The following ZNF461 variants were observed in gnomAD, a reference collection of about 807,000 sequenced individuals.
The protein encoded by ZNF461 is zinc finger protein 461, also known as gonadotropin-inducible ovarian transcription factor-1.
A neutral mutation model predicts 18.3 loss-of-function variants in ZNF461; 16 were observed. The ratio of observed to expected loss-of-function variants is 0.88; its 90% confidence interval spans 0.59 to 1.33. The LOEUF (loss-of-function observed/expected upper bound fraction) is 1.33. Among genes scored for constraint, ZNF461 ranks in the 40% most tolerant of loss-of-function variants. The probability of loss-of-function intolerance (pLI) is 0.00; values close to 1 mark genes in which losing one functional copy is unlikely to be tolerated. For missense variants in ZNF461, 595 were observed against 669.9 expected (o/e 0.89, Z 1.23); for synonymous variants, 179 against 216.9 (o/e 0.83, Z 1.54).
intron 4 of ZNF461, among the ~76,000 whole-genome samples, chr19:36,654,685 T>C (rs1298722185): frequency 6.6e-6 from 1 of 152,064 alleles, no homozygotes; most frequent in Non-Finnish European, 1.5e-5. Flanking sequence ...AGCACTTCAA[T>C]GAATCACAGA....
chr19:36,638,727 G>T lies in ZNF461; in HGVS notation c.1618C>A (p.His540Asn), dbSNP rs1217445888. 5 of 1,613,782 alleles carry T rather than the reference G, an allele frequency of 3.1e-6. No homozygotes were observed. The highest frequency in any genetic ancestry group is 1.7e-5 in the Admixed American group (1 of 59,968). ...TTCTCGCCAGTATGAAGAGTCTGAT[G>T]TAAGTTAAGTTGTAATCTATGATTA... ...AFNHRLQLNLHQTLHTGEKPV... is the reference protein window; with the variant it reads ...AFNHRLQLNLNQTLHTGEKPV... Residue 540 changes from histidine to asparagine, a missense_variant, in exon 6 of 6, where the codon CAT becomes AAT. Transcript: ENST00000588268.
chr19:36,660,305 G>C (rs536249967), intron 2 of ZNF461, among the ~76,000 whole-genome samples: 3 of 151,376 alleles, frequency 2.0e-5, no homozygotes, highest in African/African-American at 7.3e-5. Flanking sequence ...GCACACCACC[G>C]CACCCGGCTA....
At chr19:36,665,612 G>A (rs2037899430) in intron 1 of ZNF461, among the ~76,000 whole-genome samples, 1 of 150,972 alleles carries the variant, frequency 6.6e-6, no homozygotes, top group Non-Finnish European at 1.5e-5. Flanking sequence ...GTGAGGCTGA[G>A]GCAGGAGAAC....
intron 4 of ZNF461, chr19:36,645,322 T>C (rs561904290): frequency 6.6e-6 from 1 of 151,192 alleles, no homozygotes; most frequent in Admixed American, 6.6e-5. Context: ...GTAGATCTCA[T>C]GTAAAGTATT....
In ZNF461 at chr19:36,638,594, G is replaced by A. The variant is rs181112383; in HGVS notation, c.*59C>T. Reference sequence around the variant, plus strand: ...ATAAATAAATACTAATGAAACTGGTGGCTTACCAACTTTTTCCTTAAATAA... The same window carrying A: ...ATAAATAAATACTAATGAAACTGGTAGCTTACCAACTTTTTCCTTAAATAA... On this transcript the variant is annotated 3_prime_UTR_variant, in exon 6 of 6. Transcript: ENST00000588268. The A allele has an allele frequency of 6.9e-5, 89 of 1,288,566 alleles. 1 individual carries two copies. In the South Asian group the frequency reaches 9.0e-4, roughly 13 times the overall value. 79.8% of individuals were successfully genotyped at this position (1,288,566 alleles called of 1,614,324 possible). A position where few individuals can be genotyped will look rare whatever the true frequency, so the allele number is the denominator to read the frequency against.
chr19:36,646,332 A>G (rs1568650220), intron 4 of ZNF461, among the ~76,000 whole-genome samples: 1 of 152,042 alleles, frequency 6.6e-6, no homozygotes, highest in African/African-American at 2.4e-5. Flanking sequence ...GAGTTTCACC[A>G]TGTTACCCAG....
chr19:36,664,276 G>A (rs1184879256), intron 2 of ZNF461, among the ~76,000 whole-genome samples: 1 of 152,130 alleles, frequency 6.6e-6, no homozygotes, highest in Admixed American at 6.5e-5. Context: ...TAATTCCCAG[G>A]TAAGAAACTA....
intron 5 of ZNF461, among the ~76,000 whole-genome samples, chr19:36,641,407 T>C (rs2037420418): frequency 6.6e-6 from 1 of 151,830 alleles, no homozygotes; most frequent in Non-Finnish European, 1.5e-5. Context: ...TAATCCCAGC[T>C]ACTCGGGAGG....
chr19:36,642,381 G>A (rs2037441269), intron 5 of ZNF461, among the ~76,000 whole-genome samples: 1 of 152,178 alleles, frequency 6.6e-6, no homozygotes, highest in Non-Finnish European at 1.5e-5. Context: ...CCAGGCCTGA[G>A]GAAATATGTA....
At position 36,658,351 on chromosome 19, in the gene ZNF461, C is replaced by A; in HGVS notation, c.84G>T (p.Arg28Ser). ...EEWECLNPAQ[R>S]NLYKEVMLEN... ...CCAACATCACCTCCTTGTACAAATT[C>A]CTCTGCGCTGGGTTCAGGCATTCCC... The change falls in exon 3 of 6, where the codon AGG (arginine) becomes AGT (serine). Residue 28 changes from arginine (R) to serine (S), a missense_variant. Transcript: ENST00000588268. 1 of 1,611,136 alleles carries A rather than the reference C, an allele frequency of 6.2e-7. No homozygotes were observed. Among genetic ancestry groups the A allele is most frequent in the Non-Finnish European group, 8.5e-7 (1 of 1,178,414 alleles).
At chr19:36,649,339 T>A (rs1055670413) in intron 4 of ZNF461, among the ~76,000 whole-genome samples, 12 of 16,750 alleles carry the variant, frequency 7.2e-4, no homozygotes, top group Admixed American at 1.2e-3. Context: ...TTTATTTATG[T>A]TTTTTTTTGA....
At position 36,666,814 on chromosome 19, in the gene ZNF461, T is replaced by G. The variant is rs754883275; in HGVS notation, c.-205A>C. The stretch of plus-strand genomic sequence containing the variant: ...TTACCTGCCTCTACCCGGAGACCAT[T>G]CCTGCGAGGCTCCTACCGGAAGTAG... On this transcript the variant is annotated 5_prime_UTR_variant, in exon 1 of 6. Transcript: ENST00000588268. 1.3e-5 allele frequency: 2 copies of G among 152,298 alleles called. No homozygotes were observed. The highest frequency in any genetic ancestry group is 1.3e-4 in the Admixed American group (2 of 15,270). 9.4% of individuals were successfully genotyped at this position (152,298 alleles called of 1,614,324 possible). A position where few individuals can be genotyped will look rare whatever the true frequency, so the allele number is the denominator to read the frequency against.
chr19:36,651,233 G>GAAAA (rs34091845), intron 4 of ZNF461, among the ~76,000 whole-genome samples: 1 of 82,880 alleles, frequency 1.2e-5, no homozygotes, highest in Non-Finnish European at 2.3e-5. Context: ...TCCGTCTCAG[G>GAAAA]AAAAAAAAAA....
At position 36,638,727 on chromosome 19, in the gene ZNF461, G is replaced by A. The variant is rs1217445888; in HGVS notation, c.1618C>T (p.His540Tyr). 6.2e-7 allele frequency: 1 copy of A among 1,613,900 alleles called. No individual in the cohort carries two copies. The highest frequency in any genetic ancestry group is 8.5e-7 in the Non-Finnish European group (1 of 1,179,838). The change falls in exon 6 of 6, where the codon CAT (histidine) becomes TAT (tyrosine). Residue 540 changes from histidine (H) to tyrosine (Y), a missense_variant. By Grantham distance (83) the His-to-Tyr change is moderately conservative (BLOSUM62 2). Transcript: ENST00000588268. Reference sequence around the variant, plus strand: ...TTCTCGCCAGTATGAAGAGTCTGATGTAAGTTAAGTTGTAATCTATGATTA... The same window carrying A: ...TTCTCGCCAGTATGAAGAGTCTGATATAAGTTAAGTTGTAATCTATGATTA... ...AFNHRLQLNL[H>Y]QTLHTGEKPV...
chr19:36,642,458 G>A (rs1247607224), intron 5 of ZNF461, among the ~76,000 whole-genome samples: 1 of 152,012 alleles, frequency 6.6e-6, no homozygotes, highest in Admixed American at 6.6e-5. Context: ...TCTACATGGT[G>A]TGTCCAGCAT....
chr19:36,637,655 C>T lies in ZNF461; in HGVS notation c.*998G>A, dbSNP rs1281237511. 2 of 271,520 alleles carry T rather than the reference C, an allele frequency of 7.4e-6. No homozygotes were observed. Among genetic ancestry groups the T allele is most frequent in the Non-Finnish European group, 1.4e-5 (2 of 138,326 alleles). The allele number at this position is 271,520 out of a possible 1,614,324, so 16.8% of individuals were successfully genotyped here. On this transcript the variant is annotated 3_prime_UTR_variant, in exon 6 of 6. Transcript: ENST00000588268. ...GAGGTTGCAGTGAGCCAAGATTGCA[C>T]CACTGGACTCCAGCCTGGGTGTGTC...
In ZNF461 at chr19:36,638,777, T is replaced by G. The variant is rs1356164498; in HGVS notation, c.1568A>C (p.Lys523Thr). Residue 523 changes from lysine to threonine, a missense_variant, in exon 6 of 6, where the codon AAA becomes ACA. Coordinates refer to ENST00000588268, the MANE Select transcript of ZNF461 (RefSeq NM_153257.5). ...SHHQRIHSGKKPYQCGKAFNH... is the reference protein window; with the variant it reads ...SHHQRIHSGKTPYQCGKAFNH... ...AAACGCCTTCCCGCATTGATAAGGT[T>G]TCTTTCCAGAATGAATTCTCTGATG... The G allele has an allele frequency of 2.5e-6, 4 of 1,614,194 alleles. No individual in the cohort carries two copies. The highest frequency in any genetic ancestry group is 2.5e-6 in the Non-Finnish European group (3 of 1,180,028).
intron 5 of ZNF461, 70 bp downstream of exon 5, chr19:36,643,724 A>G (rs984648710): frequency 4.9e-6 from 7 of 1,414,358 alleles, no homozygotes; most frequent in Admixed American, 5.7e-5. Context: ...ATAAACATGT[A>G]CTTTCAGAAA....
intron 4 of ZNF461, among the ~76,000 whole-genome samples, chr19:36,646,120 A>G (rs112208807): frequency 1.0e-4 from 1 of 9,646 alleles, no homozygotes; most frequent in Admixed American, 1.2e-3. Flanking sequence ...TGTTGTTGTT[A>G]TTGTTGTTGT....
Sources: allele counts gnomAD v4.1 joint callset (sites outside exome capture counted in the v4.1 genomes callset), GRCh38; gene constraint gnomAD v4.1.1; transcripts MANE v1.5; gene names NCBI Gene and HGNC (gene_info 2026-07-23, HGNC 2026-07-21).